Variants in METTL6 observed in about 807,000 individuals in gnomAD.
METTL6 encodes methyltransferase 6, tRNA N3-cytidine.
A neutral mutation model predicts 26.4 loss-of-function variants in METTL6; 22 were observed. That is an observed-to-expected ratio of 0.83 (90% confidence interval 0.59 to 1.19). The LOEUF (loss-of-function observed/expected upper bound fraction) is 1.19, where lower values mean the gene tolerates loss of function less well. METTL6 is among the 50% of genes most tolerant of loss of function. METTL6 has a pLI of 0.00. For missense variants in METTL6, 304 were observed against 324.8 expected (o/e 0.94, Z 0.49); for synonymous variants, 109 against 116.2 (o/e 0.94, Z 0.40).
At chr3:15,395,255 G>A (rs1465348261) in intron 6 of METTL6, among the ~76,000 whole-genome samples, 1 of 152,110 alleles carries the variant, frequency 6.6e-6, no homozygotes, top group Non-Finnish European at 1.5e-5. Flanking sequence ...ATTATGTAAT[G>A]GCCTTCTTTG....
intron 6 of METTL6, among the ~76,000 whole-genome samples, chr3:15,389,379 A>G (rs1310900643): frequency 6.6e-6 from 1 of 152,018 alleles, no homozygotes; most frequent in East Asian, 1.9e-4. Flanking sequence ...AGAAGGAAAA[A>G]CGATCGTTTT....
At chr3:15,399,849 T>C (rs897275161) in intron 6 of METTL6, among the ~76,000 whole-genome samples, 1 of 152,068 alleles carries the variant, frequency 6.6e-6, no homozygotes, top group African/African-American at 2.4e-5. Flanking sequence ...AGAATTAATG[T>C]CACCTCAAAA....
chr3:15,390,298 C>G (rs965525367), intron 6 of METTL6, among the ~76,000 whole-genome samples: 2 of 151,940 alleles, frequency 1.3e-5, no homozygotes, highest in African/African-American at 4.8e-5. Context: ...TGTGTTGGTA[C>G]GCACCTGTAG....
intron 5 of METTL6, among the ~76,000 whole-genome samples, 154 bp from the exon 6 acceptor site, chr3:15,411,591 T>C (rs1699966514): frequency 1.3e-5 from 2 of 152,148 alleles, no homozygotes; most frequent in African/African-American, 2.4e-5. Context: ...TGGGAACTAA[T>C]ACACTCCTTC....
chr3:15,394,032 C>T (rs1699419374), intron 6 of METTL6, among the ~76,000 whole-genome samples: 1 of 152,144 alleles, frequency 6.6e-6, no homozygotes, highest in South Asian at 2.1e-4. Context: ...AGGGAGGATT[C>T]CCTCTTTTTC....
At chr3:15,423,793 G>A (rs2061660367) in intron 3 of METTL6, among the ~76,000 whole-genome samples, 1 of 152,136 alleles carries the variant, frequency 6.6e-6, no homozygotes, top group South Asian at 2.1e-4. Context: ...TGAGGTGGGA[G>A]GATCTGCTTG....
At chr3:15,418,575 C>T (rs2061542227) in intron 3 of METTL6, among the ~76,000 whole-genome samples, 1 of 152,052 alleles carries the variant, frequency 6.6e-6, no homozygotes, top group Non-Finnish European at 1.5e-5. Flanking sequence ...AAATGTTACA[C>T]ACATAACTGG....
intron 3 of METTL6, among the ~76,000 whole-genome samples, chr3:15,416,661 G>T (rs566015684): frequency 3.9e-4 from 60 of 152,030 alleles, no homozygotes; most frequent in African/African-American, 1.4e-3. Flanking sequence ...GTTCTTCTGG[G>T]GTATATTTTC....
chr3:15,403,220 T>C (rs1201902926), intron 6 of METTL6, among the ~76,000 whole-genome samples: 2 of 152,150 alleles, frequency 1.3e-5, no homozygotes, highest in African/African-American at 2.4e-5. Flanking sequence ...AGTGATCTTC[T>C]TGTCTTCAGC....
intron 6 of METTL6, among the ~76,000 whole-genome samples, chr3:15,402,877 C>A (rs568089145): frequency 1.3e-5 from 2 of 151,978 alleles, no homozygotes; most frequent in Non-Finnish European, 2.9e-5. Context: ...CTAATTTATT[C>A]GTCCTAAAAA....
At chr3:15,412,828 GA>G (rs1700029484) in intron 5 of METTL6, among the ~76,000 whole-genome samples, 1 of 152,080 alleles carries the variant, frequency 6.6e-6, no homozygotes, top group Non-Finnish European at 1.5e-5. Flanking sequence ...ATTTCAAGAA[GA>G]AAAATGTTTG....
At chr3:15,415,392 A>T in intron 4 of METTL6, 2 of 1,129,130 alleles carry the variant, frequency 1.8e-6, no homozygotes, top group Non-Finnish European at 2.5e-6. Flanking sequence ...CCTGACCTCA[A>T]GTGATTCACC....
chr3:15,414,218 C>T, intron 4 of METTL6, 56 bp from the exon 5 acceptor site: 1 of 1,564,746 alleles, frequency 6.4e-7, no homozygotes, highest in South Asian at 1.2e-5. Context: ...AAAATAAAAC[C>T]TGATTAAGTT....
intron 6 of METTL6, among the ~76,000 whole-genome samples, chr3:15,386,601 G>A (rs1699206317): frequency 1.3e-5 from 2 of 152,108 alleles, no homozygotes; most frequent in Admixed American, 1.3e-4. Flanking sequence ...CTGTGTGTAT[G>A]TGCAGTATGT....
chr3:15,427,603 TCACCC>T, upstream of METTL6: 1 of 613,456 alleles, frequency 1.6e-6, no homozygotes, highest in Non-Finnish European at 2.9e-6. Flanking sequence ...GATTCCTCTC[TCACCC>T]CCACGCAGAG....
intron 3 of METTL6, among the ~76,000 whole-genome samples, chr3:15,419,855 GT>G (rs1206147141): frequency 6.9e-6 from 1 of 144,214 alleles, no homozygotes; most frequent in Non-Finnish European, 1.5e-5. Context: ...TAGGGTAACT[GT>G]TTTTCTTTTT....
At chr3:15,416,825 G>C (rs1166130856) in intron 3 of METTL6, among the ~76,000 whole-genome samples, 1 of 152,120 alleles carries the variant, frequency 6.6e-6, no homozygotes, top group East Asian at 1.9e-4. Flanking sequence ...TGAATAAATA[G>C]ATATACAAAG....
At chr3:15,387,785 T>A (rs1044336174) in intron 6 of METTL6, among the ~76,000 whole-genome samples, 3 of 151,992 alleles carry the variant, frequency 2.0e-5, no homozygotes, top group Non-Finnish European at 4.4e-5. Flanking sequence ...GAACAGAGAT[T>A]AGCTTGTAAA....
rs761530981 is a variant in METTL6, at chr3:15,411,294, G to T, written c.817C>A (p.Pro273Thr). The change falls in exon 6 of 6, where the codon CCA becomes ACA. Residue 273 changes from proline (P) to threonine (T), a missense_variant. Physicochemically the swap from Pro to Thr is conservative, Grantham distance 38 (BLOSUM62 -1). Transcript: ENST00000383790. ...TCCAGGCCCAGGACCACAGGAGATG[G>T]GTTCTTAGGAGGCTTTAGAAATTTG... ...QSKFLKPPKN[P>T]SPVVLGLDPK... The T allele has an allele frequency of 3.7e-6, 6 of 1,614,068 alleles. No individual in the cohort carries two copies. Among genetic ancestry groups the T allele is most frequent in the Non-Finnish European group, 5.1e-6 (6 of 1,180,020 alleles).
Sources: allele counts gnomAD v4.1 joint callset (sites outside exome capture counted in the v4.1 genomes callset), GRCh38; gene constraint gnomAD v4.1.1; transcripts MANE v1.5; gene names NCBI Gene and HGNC (gene_info 2026-07-23, HGNC 2026-07-21).